The following MAGI2 variants were observed in gnomAD, a reference collection of about 807,000 sequenced individuals.
MAGI2 encodes the protein membrane associated guanylate kinase, WW and PDZ domain containing 2, also known as membrane-associated guanylate kinase, WW and PDZ domain-containing protein 2.
MAGI2 carries 35 observed loss-of-function variants against 133.3 expected under a neutral mutation model. The ratio of observed to expected loss-of-function variants is 0.26; its 90% CI spans 0.20 to 0.35. The LOEUF (loss-of-function observed/expected upper bound fraction) is 0.35. Among genes scored for constraint, MAGI2 ranks in the 10% least tolerant of loss-of-function variants. The pLI, the probability that MAGI2 is intolerant of heterozygous loss-of-function variation, is 1.00. For synonymous variants in MAGI2, 729 were observed against 710.6 expected, an observed-to-expected ratio of 1.03 and a Z score of -0.41; for missense variants, 1,636 against 1,863.4, an observed-to-expected ratio of 0.88 and a Z score of 2.25.
At chr7:78,241,581 G>C (rs1791142833) in intron 10 of MAGI2, among the ~76,000 whole-genome samples, 1 of 152,192 alleles carries the variant, frequency 6.6e-6, no homozygotes, top group Non-Finnish European at 1.5e-5. Flanking sequence ...ACATATACCA[G>C]TGGCTTGAGT....
rs562733820 is a variant in MAGI2, at chr7:78,640,602, C to T, written c.419-13363G>A. On this transcript the variant is annotated intron_variant, in intron 2 of 21. Transcript: ENST00000354212. ...ACTTATTTGCCAGGACTAATAGAGA[C>T]ATAATACAAAACAGAGGGGTGAATA... is the stretch of plus-strand genomic sequence containing the variant. Among the ~76,000 whole-genome samples the T allele has an allele frequency of 2.8e-5, 4 of 144,654 alleles. No homozygotes were observed. The South Asian group carries it at 9.0e-4, about 33-fold the overall frequency. The allele number at this position is 144,654 out of a possible 152,430, so 94.9% of individuals were successfully genotyped here. A position where few individuals can be genotyped will look rare whatever the true frequency, so the allele number is the denominator to read the frequency against.
intron 20 of MAGI2, among the ~76,000 whole-genome samples, chr7:78,104,386 T>C (rs3857821): frequency 0.16 from 24,292 of 151,014 alleles, 2,370 homozygotes; most frequent in East Asian, 0.49. Context: ...CCACGCCCAG[T>C]TAATATTTTG....
At chr7:78,689,674 G>C (rs570275169) in intron 2 of MAGI2, among the ~76,000 whole-genome samples, 1 of 127,084 alleles carries the variant, frequency 7.9e-6, no homozygotes. Context: ...GTATCTTTTT[G>C]GATCTGGCTT....
At chr7:79,153,233 A>G (rs1255273531) in intron 1 of MAGI2, among the ~76,000 whole-genome samples, 2 of 152,158 alleles carry the variant, frequency 1.3e-5, no homozygotes, top group Non-Finnish European at 2.9e-5. Flanking sequence ...AGTCAGCTCT[A>G]CAAGCCATTT....
At chr7:78,856,641 T>G (rs1018371671) in intron 2 of MAGI2, among the ~76,000 whole-genome samples, 1 of 152,212 alleles carries the variant, frequency 6.6e-6, no homozygotes, top group African/African-American at 2.4e-5. Flanking sequence ...ACTATGCTGT[T>G]TTGGTTACTG....
chr7:78,766,176 T>C (rs1825010383), intron 2 of MAGI2, among the ~76,000 whole-genome samples: 2 of 152,296 alleles, frequency 1.3e-5, no homozygotes, highest in South Asian at 4.1e-4. Flanking sequence ...GCCGGGGTTG[T>C]GCTTTTGTGG....
At chr7:78,261,511 A>G (rs1462359671) in intron 9 of MAGI2, among the ~76,000 whole-genome samples, 1 of 152,112 alleles carries the variant, frequency 6.6e-6, no homozygotes, top group Admixed American at 6.6e-5. Flanking sequence ...ACAGAGCATC[A>G]TTACTATGTT....
intron 1 of MAGI2, among the ~76,000 whole-genome samples, chr7:79,365,709 A>T (rs1842655065): frequency 6.6e-6 from 1 of 151,704 alleles, no homozygotes; most frequent in African/African-American, 2.4e-5. Flanking sequence ...AATACAAAAA[A>T]ATTAGCCAGG....
intron 1 of MAGI2, among the ~76,000 whole-genome samples, chr7:79,210,388 T>C (rs1195304232): frequency 6.6e-6 from 1 of 152,106 alleles, no homozygotes. Context: ...CCAGTCTTGA[T>C]TGATCAGGAT....
chr7:79,154,201 A>T (rs889067893), intron 1 of MAGI2, among the ~76,000 whole-genome samples: 1 of 152,178 alleles, frequency 6.6e-6, no homozygotes, highest in Non-Finnish European at 1.5e-5. Flanking sequence ...TAAAATTTCT[A>T]TTTGTACCTT....
intron 6 of MAGI2, among the ~76,000 whole-genome samples, chr7:78,414,156 A>C (rs1798093730): frequency 6.6e-6 from 1 of 152,064 alleles, no homozygotes; most frequent in Non-Finnish European, 1.5e-5. Context: ...GTATTCACTG[A>C]AGCATCATTT....
intron 2 of MAGI2, among the ~76,000 whole-genome samples, chr7:78,689,086 C>A (rs910447379): frequency 1.3e-5 from 2 of 152,148 alleles, no homozygotes; most frequent in Non-Finnish European, 2.9e-5. Flanking sequence ...TATTCTTTCG[C>A]TTTGGTCTTT....
chr7:79,278,712 C>G (rs560515976), intron 1 of MAGI2, among the ~76,000 whole-genome samples: 1 of 152,150 alleles, frequency 6.6e-6, no homozygotes, highest in Non-Finnish European at 1.5e-5. Flanking sequence ...ATTTTGAACA[C>G]CATCTCTGCT....
intron 2 of MAGI2, among the ~76,000 whole-genome samples, chr7:78,803,085 AAT>A (rs1364341988): frequency 2.6e-5 from 4 of 152,116 alleles, no homozygotes; most frequent in African/African-American, 9.7e-5. Flanking sequence ...TGCATATCAT[AAT>A]ATATATAGTT....
At chr7:79,251,074 T>C (rs1313944952) in intron 1 of MAGI2, among the ~76,000 whole-genome samples, 5 of 152,116 alleles carry the variant, frequency 3.3e-5, no homozygotes, top group South Asian at 4.1e-4. Context: ...TCTTGCCATA[T>C]ACAAAAGCAA....
At chr7:78,492,274 T>C (rs1376164272) in intron 5 of MAGI2, among the ~76,000 whole-genome samples, 1 of 152,122 alleles carries the variant, frequency 6.6e-6, no homozygotes, top group Non-Finnish European at 1.5e-5. Context: ...GTATTAACGG[T>C]GTGTCACTTT....
chr7:78,354,643 A>G (rs766245263), intron 7 of MAGI2, among the ~76,000 whole-genome samples: 1 of 152,224 alleles, frequency 6.6e-6, no homozygotes, highest in Non-Finnish European at 1.5e-5. Flanking sequence ...TGAGAAAAAT[A>G]CTGAAAAAGT....
chr7:78,501,499 T>C, intron 5 of MAGI2, 78 bp downstream of exon 5: 5 of 1,208,546 alleles, frequency 4.1e-6, no homozygotes, highest in South Asian at 1.4e-5. Flanking sequence ...TTTTTTTTTT[T>C]CCACGTCTAA....
chr7:79,102,937 A>G (rs950045318), intron 1 of MAGI2, among the ~76,000 whole-genome samples: 1 of 152,170 alleles, frequency 6.6e-6, no homozygotes, highest in Non-Finnish European at 1.5e-5. Flanking sequence ...GTTCTGATTC[A>G]ATCAGTTGAA....
Sources: gnomAD v4.1 joint callset for allele counts (sites outside exome capture counted in the v4.1 genomes callset) on GRCh38, gnomAD v4.1.1 for gene constraint, MANE v1.5 for transcripts, NCBI Gene and HGNC (gene_info 2026-07-23, HGNC 2026-07-21) for gene names.